Variants in PDE1C observed in about 807,000 individuals in gnomAD.
PDE1C encodes the protein phosphodiesterase 1C, also known as dual specificity calcium/calmodulin-dependent 3',5'-cyclic nucleotide phosphodiesterase 1C.
A neutral mutation model predicts 93.1 loss-of-function variants in PDE1C; 62 were observed. The observed-to-expected ratio is 0.67, with a 90% CI of 0.54 to 0.82. The LOEUF (loss-of-function observed/expected upper bound fraction) is 0.82, where lower values mean the gene tolerates loss of function less well. Ranked by LOEUF, PDE1C falls within the 40% of genes least tolerant of loss-of-function variation. PDE1C has a pLI of 0.00. For synonymous variants in PDE1C, 325 were observed against 310.1 expected (o/e 1.05, Z -0.50); for missense variants, 742 against 884.6 (o/e 0.84, Z 2.04).
At chr7:32,331,918 C>T (rs1302548879) in intron 1 of PDE1C, among the ~76,000 whole-genome samples, 4 of 152,094 alleles carry the variant, frequency 2.6e-5, no homozygotes, top group Admixed American at 6.5e-5. Context: ...CCACAAGGGC[C>T]GTTAAAAGCA....
At chr7:31,773,963 C>T (rs138954448) in intron 17 of PDE1C, among the ~76,000 whole-genome samples, 4 of 152,306 alleles carry the variant, frequency 2.6e-5, no homozygotes, top group Non-Finnish European at 5.9e-5. Flanking sequence ...TAAGGAGCAT[C>T]CCAGGCACTC....
chr7:32,400,630 C>T (rs767400464), intron 1 of PDE1C, among the ~76,000 whole-genome samples: 1 of 152,196 alleles, frequency 6.6e-6, no homozygotes, highest in Non-Finnish European at 1.5e-5. Flanking sequence ...CCTCAGAGTT[C>T]ACATTGGAAA....
chr7:32,035,703 G>A (rs1035678529), intron 2 of PDE1C, among the ~76,000 whole-genome samples: 6 of 152,154 alleles, frequency 3.9e-5, no homozygotes, highest in African/African-American at 1.4e-4. Context: ...GTTGCCAAAA[G>A]CCAGAAAATC....
intron 3 of PDE1C, among the ~76,000 whole-genome samples, chr7:32,136,996 T>C (rs1249418383): frequency 6.6e-6 from 1 of 152,248 alleles, no homozygotes; most frequent in Non-Finnish European, 1.5e-5. Context: ...TATACAGCAT[T>C]GCATTCTTTT....
At chr7:31,867,976 C>T (rs1016265000) in intron 6 of PDE1C, among the ~76,000 whole-genome samples, 1 of 152,242 alleles carries the variant, frequency 6.6e-6, no homozygotes, top group African/African-American at 2.4e-5. Context: ...GACTGCACTA[C>T]TACACACAGC....
At chr7:32,192,658 A>G (rs1804315350) in intron 2 of PDE1C, among the ~76,000 whole-genome samples, 1 of 152,110 alleles carries the variant, frequency 6.6e-6, no homozygotes, top group African/African-American at 2.4e-5. Flanking sequence ...AAATGGTTTA[A>G]CTGTTCTACT....
the PDE1C span, chr7:31,642,141 C>G: frequency 6.7e-7 from 1 of 1,498,536 alleles, no homozygotes; most frequent in African/African-American, 1.4e-5. Flanking sequence ...GCGTGTTTTC[C>G]CTTTAATAAC....
chr7:32,003,472 A>T (rs1429738987), intron 2 of PDE1C, among the ~76,000 whole-genome samples: 1 of 152,246 alleles, frequency 6.6e-6, no homozygotes, highest in Non-Finnish European at 1.5e-5. Flanking sequence ...AACACTGTAT[A>T]GTACAATGCT....
intron 1 of PDE1C, among the ~76,000 whole-genome samples, chr7:32,226,053 A>G (rs71530577): frequency 0.12 from 18,342 of 152,160 alleles, 1,187 homozygotes; most frequent in East Asian, 0.23. Context: ...GCGAGACTCC[A>G]TCTCAAAAAG....
intron 17 of PDE1C, among the ~76,000 whole-genome samples, chr7:31,774,729 A>G (rs1397245032): frequency 6.6e-6 from 1 of 152,234 alleles, no homozygotes; most frequent in African/African-American, 2.4e-5. Flanking sequence ...CTCATAATGT[A>G]GTGGTAAGTT....
At chr7:32,282,485 A>AATAG (rs1554300214) in intron 1 of PDE1C, among the ~76,000 whole-genome samples, 26 of 143,934 alleles carry the variant, frequency 1.8e-4, no homozygotes, top group African/African-American at 6.7e-4. Flanking sequence ...TCAAAAAAAA[A>AATAG]ATAGATAGAT....
chr7:32,207,091 CA>C (rs1805628706), intron 2 of PDE1C, among the ~76,000 whole-genome samples: 2 of 152,116 alleles, frequency 1.3e-5, no homozygotes, highest in African/African-American at 4.8e-5. Context: ...AATGATGGGG[CA>C]GGGGTGGTGA....
chr7:32,053,438 C>T (rs988483236), intron 1 of PDE1C, among the ~76,000 whole-genome samples: 1 of 152,230 alleles, frequency 6.6e-6, no homozygotes, highest in Non-Finnish European at 1.5e-5. Context: ...GCATAGTGAG[C>T]TGTGGGTGTG....
chr7:31,705,473 ACTG>A, the PDE1C span, among the ~76,000 whole-genome samples: 1 of 114,730 alleles, frequency 8.7e-6, no homozygotes, highest in East Asian at 4.8e-4. Context: ...AATATCTCCC[ACTG>A]TGTTTCATAA....
In PDE1C at chr7:31,972,327, C is replaced by T. The variant is rs116119065; in HGVS notation, c.128+79227G>A. On this transcript the variant is annotated intron_variant, in intron 2 of 17. Transcript: ENST00000396191. Reference sequence around the variant, plus strand: ...TTCCAAAGGCCGCACCCCAATTACACAGGTTGCAAACCCTATCCTGCAAGT... The same window carrying T: ...TTCCAAAGGCCGCACCCCAATTACATAGGTTGCAAACCCTATCCTGCAAGT... Among the ~76,000 whole-genome samples the T allele has an allele frequency of 4.4e-3, 666 of 152,306 alleles. 7 individuals are homozygous for T. Among genetic ancestry groups the T allele is most frequent in the African/African-American group, 0.015 (637 of 41,568 alleles).
chr7:32,421,814 G>C (rs1785437703), intron 1 of PDE1C, among the ~76,000 whole-genome samples: 3 of 152,034 alleles, frequency 2.0e-5, no homozygotes, highest in Admixed American at 6.6e-5. Flanking sequence ...GCTGTCTAGG[G>C]GCTTTATAAG....
At chr7:32,405,268 T>G (rs1404001654) in intron 1 of PDE1C, among the ~76,000 whole-genome samples, 2 of 101,334 alleles carry the variant, frequency 2.0e-5, no homozygotes, top group Non-Finnish European at 4.4e-5. Flanking sequence ...TTTTTTTTTT[T>G]GAGATGGAAT....
chr7:31,949,275 A>G (rs1563083568), intron 2 of PDE1C, among the ~76,000 whole-genome samples: 1 of 152,140 alleles, frequency 6.6e-6, no homozygotes, highest in African/African-American at 2.4e-5. Context: ...CCTGGCTAAC[A>G]TGGTGAAACC....
the PDE1C span, among the ~76,000 whole-genome samples, chr7:31,739,663 C>T: frequency 6.6e-6 from 1 of 152,106 alleles, no homozygotes; most frequent in African/African-American, 2.4e-5. Context: ...CTCAGAAGCC[C>T]AGTGCACGAG....
Sources: gnomAD v4.1 joint callset for allele counts (sites outside exome capture counted in the v4.1 genomes callset) on GRCh38, gnomAD v4.1.1 for gene constraint, MANE v1.5 for transcripts, NCBI Gene and HGNC (gene_info 2026-07-23, HGNC 2026-07-21) for gene names.